The following SRL variants were observed in gnomAD, a reference collection of about 807,000 sequenced individuals.
SRL encodes the protein sarcalumenin.
Under a neutral mutation model 39.5 loss-of-function variants are expected in SRL, and 23 were observed. The ratio of observed to expected loss-of-function variants is 0.58; its 90% CI spans 0.42 to 0.82. The LOEUF (loss-of-function observed/expected upper bound fraction) is 0.82. Among genes scored for constraint, SRL ranks in the 40% least tolerant of loss-of-function variants. The pLI is 0.00. For missense variants in SRL, 592 were observed against 607.8 expected (o/e 0.97, Z 0.27); for synonymous variants, 272 against 237.4 (o/e 1.15, Z -1.34).
Position 4,192,290 on chromosome 16 carries a change from C to G in SRL, c.1285G>C (p.Glu429Gln). The change falls in exon 6 of 6, where the codon GAG (glutamate) becomes CAG (glutamine). Residue 429 changes from glutamate to glutamine, a missense_variant. Glu to Gln is a conservative substitution (Grantham distance 29). Coordinates refer to ENST00000399609, the MANE Select transcript of SRL (RefSeq NM_001098814.2). The surrounding 1 kb of genome is among the most constrained non-coding windows in gnomAD (Gnocchi z 4.0). ...TGAGTGATGGCCCGCTCAATCTTCT[C>G]CAGAAAGCAACCTCCCATGTAGGAG... ...QCSYMGGCFL[E>Q]KIERAITQEL... 6.2e-7 allele frequency: 1 copy of G among 1,614,174 alleles called. No homozygotes were observed. The highest frequency in any genetic ancestry group is 8.5e-7 in the Non-Finnish European group (1 of 1,180,018).
intron 1 of SRL, chr16:4,206,909 T>G (rs1445593924): frequency 2.2e-6 from 1 of 455,978 alleles, no homozygotes; most frequent in Non-Finnish European, 4.4e-6. Context: ...CTTCCTGGGG[T>G]TCCCTGGCTT....
Position 4,212,138 on chromosome 16 carries a change from G to A in SRL, c.62-7504C>T, listed in dbSNP as rs553247136. Among the ~76,000 whole-genome samples the A allele has an allele frequency of 1.9e-4, 29 of 152,258 alleles. No homozygotes were observed. In the East Asian group the frequency reaches 5.4e-3, roughly 28 times the overall value. ...AAGCAAGGTGTGTGCATATGTGTAT[G>A]CACATTTATATTCAAGCTCTTCCCT... On this transcript the variant is annotated intron_variant, in intron 1 of 5. Transcript: ENST00000399609.
intron 1 of SRL, among the ~76,000 whole-genome samples, chr16:4,231,313 C>A (rs2052657945): frequency 6.6e-6 from 1 of 152,006 alleles, no homozygotes; most frequent in South Asian, 2.1e-4. Context: ...GAGACCCTGT[C>A]TCAAAAAAAA....
intron 1 of SRL, among the ~76,000 whole-genome samples, chr16:4,231,245 G>A (rs1256137854): frequency 6.6e-6 from 1 of 152,168 alleles, no homozygotes; most frequent in Non-Finnish European, 1.5e-5. Context: ...GAGCCCGGGA[G>A]GCAGAGATTG....
At chr16:4,241,622 T>C (rs956110074) in intron 1 of SRL, among the ~76,000 whole-genome samples, 8 of 152,314 alleles carry the variant, frequency 5.3e-5, no homozygotes, top group Non-Finnish European at 8.8e-5. Flanking sequence ...TCCCACCAGG[T>C]GGGAGGGTCA....
Position 4,192,861 on chromosome 16 carries a change from C to A in SRL, c.714G>T (p.Met238Ile), listed in dbSNP as rs774634502. ...TKLDVGLELEMLFRQLKGRES... is the reference protein window; with the variant it reads ...TKLDVGLELEILFRQLKGRES... ...CACGCCCCTTCAACTGGCGGAAGAG[C>A]ATCTCCAGCTCTAGACCCACATCCA... The change falls in exon 6 of 6, where the codon ATG (methionine) becomes ATT (isoleucine). Residue 238 changes from methionine (M) to isoleucine (I), a missense_variant. Met to Ile is a conservative substitution (Grantham distance 10, BLOSUM62 1). Coordinates refer to ENST00000399609, the MANE Select transcript of SRL (RefSeq NM_001098814.2). The surrounding 1 kb of genome is among the most constrained non-coding windows in gnomAD (Gnocchi z 4.0). The A allele has an allele frequency of 6.2e-7, 1 of 1,614,066 alleles. No homozygotes were observed. The highest frequency in any genetic ancestry group is 1.3e-5 in the African/African-American group (1 of 74,916).
chr16:4,234,846 CG>C (rs1382549853), intron 1 of SRL, among the ~76,000 whole-genome samples: 1 of 152,220 alleles, frequency 6.6e-6, no homozygotes, highest in Non-Finnish European at 1.5e-5. Context: ...CGCTCAGAAC[CG>C]GTGAACTATT....
intron 3 of SRL, 69 bp downstream of exon 3, chr16:4,203,097 G>C (rs767065785): frequency 7.2e-7 from 1 of 1,388,224 alleles, no homozygotes; most frequent in Non-Finnish European, 1.0e-6. Flanking sequence ...CCGGTCAGCA[G>C]TGTGGCCCCG....
At chr16:4,232,655 C>A (rs1183031186) in intron 1 of SRL, among the ~76,000 whole-genome samples, 1 of 152,164 alleles carries the variant, frequency 6.6e-6, no homozygotes. Flanking sequence ...GGACCACACG[C>A]ATAGGCCATT....
Position 4,242,050 on chromosome 16 carries a change from C to T in SRL, c.18G>A (p.Leu6=). ...GGAGCGAGGCCAGGAGGCAGCCGAG[C>T]AGGACCAGCGCCCTCATGGTGACTG... MRALV[L]LGCLLASLLF... is the part of the protein sequence containing the mutation. The change falls in exon 1 of 6, where the codon CTG becomes CTA. Residue 6 remains leucine (L), a synonymous_variant. Coordinates refer to ENST00000399609, the MANE Select transcript of SRL (RefSeq NM_001098814.2). 1 of 1,612,540 alleles carries T rather than the reference C, an allele frequency of 6.2e-7. No individual in the cohort carries two copies.
intron 1 of SRL, among the ~76,000 whole-genome samples, chr16:4,215,909 G>A (rs992444770): frequency 1.3e-5 from 2 of 152,038 alleles, no homozygotes; most frequent in Admixed American, 6.6e-5. Context: ...GGTAGCGTGC[G>A]CCTGTGGTCC....
chr16:4,235,453 T>C (rs1042266967), intron 1 of SRL, among the ~76,000 whole-genome samples: 2 of 152,198 alleles, frequency 1.3e-5, no homozygotes, highest in Non-Finnish European at 2.9e-5. Flanking sequence ...CCCATCACTT[T>C]GGGAGACCAA....
At chr16:4,207,352 G>A (rs1412833537) in intron 1 of SRL, 2 of 456,756 alleles carry the variant, frequency 4.4e-6, no homozygotes, top group South Asian at 1.5e-5. Flanking sequence ...TCTGCAGCTG[G>A]GCCGGGCTCC....
chr16:4,234,867 C>T (rs1316515799), intron 1 of SRL, among the ~76,000 whole-genome samples: 6 of 152,202 alleles, frequency 3.9e-5, no homozygotes, highest in Non-Finnish European at 8.8e-5. Context: ...TTACCACCTC[C>T]GTGTTGAGAT....
At position 4,235,828 on chromosome 16, in the gene SRL, G is replaced by T. The variant is rs112721205; in HGVS notation, c.61+6179C>A. ...CCCTGGGCCGGGCACGGTGGCTCAC[G>T]CCTGTAATCCCAGCACTTGGGAGGC... is the stretch of plus-strand genomic sequence containing the variant. On this transcript the variant is annotated intron_variant, in intron 1 of 5. Coordinates refer to ENST00000399609, the MANE Select transcript of SRL (RefSeq NM_001098814.2). 4.0e-3 allele frequency among the ~76,000 whole-genome samples: 606 copies of T among 152,260 alleles called. 5 individuals are homozygous for T. Among genetic ancestry groups the T allele is most frequent in the African/African-American group, 0.014 (582 of 41,552 alleles).
At chr16:4,210,484 A>ATTTTT (rs1307381191) in intron 1 of SRL, among the ~76,000 whole-genome samples, 16 of 68,766 alleles carry the variant, frequency 2.3e-4, no homozygotes, top group South Asian at 4.8e-4. Context: ...TATTACTCAT[A>ATTTTT]TCTTTTTTTT....
chr16:4,204,589 G>GA lies in SRL; in HGVS notation c.106dup (p.Ser36PhefsTer11). 2 of 1,614,166 alleles carry GA rather than the reference G, an allele frequency of 1.2e-6. No individual in the cohort carries two copies. The highest frequency in any genetic ancestry group is 1.7e-6 in the Non-Finnish European group (2 of 1,180,030). On this transcript the variant is annotated frameshift_variant, in exon 2 of 6. Transcript: ENST00000399609. LOFTEE classifies it high-confidence loss of function. Reference sequence around the variant, plus strand: ...CAGCATGAGGGTCTTCTCGATGTGGGAGCGGTCCCTCAATGGGGCTTCTTC... The same window carrying GA: ...CAGCATGAGGGTCTTCTCGATGTGGGAAGCGGTCCCTCAATGGGGCTTCTTC...
intron 1 of SRL, among the ~76,000 whole-genome samples, chr16:4,240,781 G>A (rs1025124719): frequency 6.6e-6 from 1 of 152,176 alleles, no homozygotes; most frequent in Non-Finnish European, 1.5e-5. Context: ...GGGAGAGGGT[G>A]GCAGCGGCTT....
chr16:4,196,107 C>G (rs1207244203), intron 4 of SRL, among the ~76,000 whole-genome samples: 2 of 151,878 alleles, frequency 1.3e-5, no homozygotes, highest in Non-Finnish European at 2.9e-5. Context: ...ATTACAGGCA[C>G]TCGCCACCAT....
Sources: allele counts gnomAD v4.1 joint callset (sites outside exome capture counted in the v4.1 genomes callset), GRCh38; gene constraint gnomAD v4.1.1; non-coding constraint Gnocchi (gnomAD v3.1); transcripts MANE v1.5; gene names NCBI Gene and HGNC (gene_info 2026-07-23, HGNC 2026-07-21).